LILRA6: variants seen among roughly 807,000 people sequenced by gnomAD.
LILRA6 encodes leukocyte immunoglobulin like receptor A6.
In LILRA6, 16 loss-of-function variants were observed where a neutral mutation model predicts 53.9. The ratio of observed to expected loss-of-function variants is 0.30; its 90% CI spans 0.20 to 0.45. The LOEUF (loss-of-function observed/expected upper bound fraction) is 0.45. Among genes scored for constraint, LILRA6 ranks in the 20% least tolerant of loss-of-function variants. The pLI is 1.00. For synonymous variants in LILRA6, 135 were observed against 256.4 expected, an observed-to-expected ratio of 0.53 and a Z score of 4.52; for missense variants, 306 against 618.6, an observed-to-expected ratio of 0.49 and a Z score of 5.36.
rs1384913352 is a variant in LILRA6, at chr19:54,238,969, TC to T, written c.1429del (p.Asp477MetfsTer41). 1.2e-6 allele frequency: 2 copies of T among 1,611,250 alleles called. No homozygotes were observed. Among genetic ancestry groups the T allele is most frequent in the African/African-American group, 2.7e-5 (2 of 73,174 alleles). The stretch of plus-strand genomic sequence containing the variant: ...CTCCGCTGTTCACCTCCCGGCTGCA[TC>T]TTGGGGGTTTCTCTGGCTGTGCTGA... On this transcript the variant is annotated frameshift_variant, in exon 8 of 8. Transcript: ENST00000396365. LOFTEE classifies it high-confidence loss of function.
At chr19:54,236,953 GAGA>G, downstream of LILRA6, 1 of 151,196 alleles carries the variant, frequency 6.6e-6, no homozygotes, top group East Asian at 1.9e-4. Context: ...TACAGGTGGA[GAGA>G]AGGAGTAAGT....
intron 5 of LILRA6, 124 bp downstream of exon 5, chr19:54,240,707 T>C (rs1227902949): frequency 7.0e-6 from 11 of 1,571,126 alleles, no homozygotes; most frequent in African/African-American, 1.3e-5. Flanking sequence ...GCCCATCCCC[T>C]GTCTCTGTCT....
At chr19:54,239,075 C>T (rs750540623) in exon 8 of LILRA6, 1 of 1,611,344 alleles carries the variant, frequency 6.2e-7, no homozygotes. Context: ...ACTGTGTAAT[C>T]CTTGGCGTGT....
chr19:54,239,259 C>A, intron 7 of LILRA6, 170 bp from the exon 8 acceptor site: 2 of 1,514,356 alleles, frequency 1.3e-6, no homozygotes, highest in African/African-American at 1.4e-5. Context: ...GGTCTCAGCT[C>A]CTCCTGAGAA....
At position 54,239,718 on chromosome 19, in the gene LILRA6, C is replaced by A. The variant is rs772045181; in HGVS notation, c.1309+183G>T. ...GGCTACCTTGCTCCCCACATCAGCC[C>A]GGCTCCTCCTCCTGGCTGGGCCCCA... On this transcript the variant is annotated intron_variant, in intron 7 of 7. Transcript: ENST00000396365. 1.9e-6 allele frequency: 3 copies of A among 1,549,794 alleles called. No homozygotes were observed. The South Asian group carries it at 3.6e-5, about 18-fold the overall frequency.
At chr19:54,239,506 C>T in intron 7 of LILRA6, 1 of 669,528 alleles carries the variant, frequency 1.5e-6, no homozygotes, top group Admixed American at 3.2e-5. Flanking sequence ...ACCTTCACTC[C>T]CTTCTTTCCT....
At chr19:54,241,926 A>C in intron 3 of LILRA6, 48 bp from the exon 4 acceptor site, 1 of 1,264,986 alleles carries the variant, frequency 7.9e-7, no homozygotes, top group East Asian at 2.4e-5. Context: ...CACCTCCCAC[A>C]TCATCCCCAG....
At chr19:54,239,385 G>T in intron 7 of LILRA6, 1 of 735,528 alleles carries the variant, frequency 1.4e-6, no homozygotes, top group Non-Finnish European at 2.1e-6. Context: ...TCCCTCTCCT[G>T]CAGCAGGGCT....
At chr19:54,238,442 C>G (rs2078664973), downstream of LILRA6, 3 of 154,816 alleles carry the variant, frequency 1.9e-5, no homozygotes, top group Non-Finnish European at 2.8e-5. Context: ...GCCCTACTAC[C>G]TCTGACATTT....
downstream of LILRA6, chr19:54,238,469 T>A (rs1248517250): frequency 6.4e-6 from 1 of 156,268 alleles, no homozygotes; most frequent in Non-Finnish European, 1.4e-5. Context: ...GTCATTTTCA[T>A]CATGTGAAAT....
intron 7 of LILRA6, chr19:54,239,684 G>A (rs1294233183): frequency 6.5e-7 from 1 of 1,544,408 alleles, no homozygotes; most frequent in South Asian, 1.2e-5. Context: ...ACAGGGAGGT[G>A]AAGCCTGGGG....
chr19:54,238,714 G>A, exon 8 of LILRA6: 2 of 592,480 alleles, frequency 3.4e-6, no homozygotes, highest in Non-Finnish European at 5.3e-6. Context: ...AGACAGAGAA[G>A]CACTTCACAC....
chr19:54,240,273 C>T lies in LILRA6; in HGVS notation c.1258+1G>A, dbSNP rs1389134808. On this transcript the variant is annotated splice_donor_variant, in intron 6 of 7. Coordinates refer to ENST00000396365, the Ensembl canonical transcript of LILRA6. LOFTEE classifies it high-confidence loss of function. ...AGAGAGGACGGGGTCAGCGCCCTCACCTGAGACCATGAGTTCCAGGGGCTC... is the reference window on the plus strand; with the variant it reads ...AGAGAGGACGGGGTCAGCGCCCTCATCTGAGACCATGAGTTCCAGGGGCTC... 3.7e-6 allele frequency: 6 copies of T among 1,603,414 alleles called. No individual in the cohort carries two copies. Among genetic ancestry groups the T allele is most frequent in the Non-Finnish European group, 8.5e-7 (1 of 1,177,550 alleles).
Position 54,239,668 on chromosome 19 carries a change from G to A in LILRA6, c.1309+233C>T, listed in dbSNP as rs7246690. On this transcript the variant is annotated intron_variant, in intron 7 of 7. Coordinates refer to ENST00000396365, the Ensembl canonical transcript of LILRA6. ...GGGGCTGGTCCTCAGGACCTCCTGG[G>A]TCAGGACAGGGAGGTGAAGCCTGGG... 0.037 allele frequency: 55,693 copies of A among 1,518,348 alleles called. 5,532 individuals carry two copies. The African/African-American group carries it at 0.42, about 12-fold the overall frequency. 94.1% of individuals were successfully genotyped at this position (1,518,348 alleles called of 1,614,324 possible).
chr19:54,238,917 C>A, exon 8 of LILRA6: 1 of 1,604,696 alleles, frequency 6.2e-7, no homozygotes, highest in Non-Finnish European at 8.5e-7. Flanking sequence ...CCCTGAGGCT[C>A]CACCACGCTG....
chr19:54,242,417 C>T lies in LILRA6; in HGVS notation c.70+102G>A, dbSNP rs2078789954. ...CCCATCAGTCACCCAGAACTACTGT[C>T]TCCTCCCCACCCAGAACTGCTGTCT... is the stretch of plus-strand genomic sequence containing the variant. On this transcript the variant is annotated intron_variant, in intron 2 of 7. Coordinates refer to ENST00000396365, the Ensembl canonical transcript of LILRA6. 2 of 1,069,590 alleles carry T rather than the reference C, an allele frequency of 1.9e-6. 1 individual carries two copies. The highest frequency in any genetic ancestry group is 3.8e-5 in the African/African-American group (2 of 52,240). The allele number at this position is 1,069,590 out of a possible 1,614,324, so 66.3% of individuals were successfully genotyped here.
exon 6 of LILRA6, chr19:54,240,281 C>T: frequency 1.2e-6 from 2 of 1,603,878 alleles, no homozygotes; most frequent in Non-Finnish European, 1.7e-6. Context: ...CACCTGAGAC[C>T]ATGAGTTCCA....
chr19:54,239,548 T>A (rs1325307409), intron 7 of LILRA6: 1 of 849,458 alleles, frequency 1.2e-6, no homozygotes, highest in Non-Finnish European at 1.8e-6. Context: ...GTGCAGAGCC[T>A]GAGCTGAGCA....
downstream of LILRA6, chr19:54,237,989 G>A (rs1300070613): frequency 6.7e-6 from 1 of 149,196 alleles, no homozygotes; most frequent in Non-Finnish European, 1.5e-5. Flanking sequence ...TAGGTTCTGT[G>A]CTTTGTGTTC....
Sources: allele counts gnomAD v4.1 joint callset, GRCh38; gene constraint gnomAD v4.1.1; transcripts MANE v1.5; gene names NCBI Gene and HGNC (gene_info 2026-07-23, HGNC 2026-07-21).